Variants in RABGAP1L observed in about 807,000 individuals in gnomAD.
The protein encoded by RABGAP1L is RAB GTPase activating protein 1 like.
A neutral mutation model predicts 137.7 loss-of-function variants in RABGAP1L; 63 were observed. The ratio of observed to expected loss-of-function variants is 0.46; its 90% CI spans 0.37 to 0.56. The LOEUF (loss-of-function observed/expected upper bound fraction) is 0.56. Among genes scored for constraint, RABGAP1L ranks in the 20% least tolerant of loss-of-function variants. The probability of loss-of-function intolerance (pLI) is 0.00; values close to 1 mark genes in which losing one functional copy is unlikely to be tolerated. For synonymous variants in RABGAP1L, 431 were observed against 433.7 expected (o/e 0.99, Z 0.08); for missense variants, 1,095 against 1,244.0 (o/e 0.88, Z 1.80).
intron 13 of RABGAP1L, among the ~76,000 whole-genome samples, chr1:174,596,894 G>A (rs775147580): frequency 6.6e-6 from 1 of 151,940 alleles, no homozygotes; most frequent in Non-Finnish European, 1.5e-5. Context: ...TCTCTATCCA[G>A]TTTTTTTAGG....
chr1:174,370,512 C>CTTTT (rs372406044), intron 11 of RABGAP1L, among the ~76,000 whole-genome samples: 6 of 50,324 alleles, frequency 1.2e-4, no homozygotes, highest in Non-Finnish European at 2.1e-4. Context: ...AGAAACCTAA[C>CTTTT]TTTTTTTTTT....
At chr1:174,721,257 C>T (rs1352050820) in intron 17 of RABGAP1L, among the ~76,000 whole-genome samples, 3 of 152,130 alleles carry the variant, frequency 2.0e-5, no homozygotes, top group East Asian at 3.8e-4. Flanking sequence ...AACAAGAAGA[C>T]GGCCATACAT....
At chr1:174,819,187 T>TAAAAAAAAAAAAAAAAA (rs71299431) in intron 19 of RABGAP1L, among the ~76,000 whole-genome samples, 3 of 44,840 alleles carry the variant, frequency 6.7e-5, no homozygotes, top group Non-Finnish European at 1.2e-4. Context: ...TGCCTGTCTC[T>TAAAAAAAAAAAAAAAAA]AAAAAAAAAA....
At chr1:174,678,925 C>T (rs1244497537) in intron 14 of RABGAP1L, among the ~76,000 whole-genome samples, 3 of 152,190 alleles carry the variant, frequency 2.0e-5, no homozygotes, top group South Asian at 2.1e-4. Flanking sequence ...AGTGGGTGTG[C>T]GACAGTGGCA....
chr1:174,384,189 G>T (rs550726547), intron 12 of RABGAP1L, among the ~76,000 whole-genome samples: 270 of 152,278 alleles, frequency 1.8e-3, no homozygotes, highest in Non-Finnish European at 2.8e-3. Flanking sequence ...TTAATACTAT[G>T]TTATTCCATT....
chr1:174,464,799 C>CT (rs1657104387), intron 13 of RABGAP1L, among the ~76,000 whole-genome samples: 1 of 151,586 alleles, frequency 6.6e-6, no homozygotes, highest in Admixed American at 6.6e-5. Flanking sequence ...AGATTACCTT[C>CT]TTTTTTTGAA....
At chr1:174,286,798 T>C (rs2148705522) in intron 10 of RABGAP1L, among the ~76,000 whole-genome samples, 1 of 152,260 alleles carries the variant, frequency 6.6e-6, no homozygotes, top group East Asian at 1.9e-4. Context: ...TTTTGACCCA[T>C]TGATTGCTCA....
At chr1:174,439,880 A>G (rs957793525) in intron 13 of RABGAP1L, among the ~76,000 whole-genome samples, 9 of 152,220 alleles carry the variant, frequency 5.9e-5, no homozygotes, top group Admixed American at 2.6e-4. Flanking sequence ...TGCTCTCCTC[A>G]TGGGACTTGT....
chr1:174,418,612 A>G (rs6701534), intron 13 of RABGAP1L, among the ~76,000 whole-genome samples: 53,557 of 152,072 alleles, frequency 0.35, 12,082 homozygotes, highest in African/African-American at 0.64. Context: ...TAAGGATTCT[A>G]TGATGCTTCA....
At chr1:174,184,087 T>G (rs1194817009) in intron 1 of RABGAP1L, among the ~76,000 whole-genome samples, 1 of 152,054 alleles carries the variant, frequency 6.6e-6, no homozygotes. Flanking sequence ...CAGGATAGTC[T>G]TGATCTCCTG....
At chr1:174,985,488 C>G (rs1671515140) in intron 24 of RABGAP1L, among the ~76,000 whole-genome samples, 1 of 152,180 alleles carries the variant, frequency 6.6e-6, no homozygotes, top group African/African-American at 2.4e-5. Flanking sequence ...GCTAGTAGAA[C>G]CAGGATTTAA....
At chr1:174,273,329 C>T (rs2148663932) in intron 8 of RABGAP1L, among the ~76,000 whole-genome samples, 1 of 151,978 alleles carries the variant, frequency 6.6e-6, no homozygotes, top group South Asian at 2.1e-4. Context: ...TGTTTGTCTG[C>T]TAAGTGTTGT....
intron 13 of RABGAP1L, among the ~76,000 whole-genome samples, chr1:174,506,841 A>C (rs867237643): frequency 3.9e-5 from 6 of 152,048 alleles, no homozygotes; most frequent in Non-Finnish European, 5.9e-5. Flanking sequence ...AATAAAAAAA[A>C]CTCACACCTG....
At chr1:174,525,532 A>AT (rs945010076) in intron 13 of RABGAP1L, among the ~76,000 whole-genome samples, 1 of 151,862 alleles carries the variant, frequency 6.6e-6, no homozygotes, top group African/African-American at 2.4e-5. Flanking sequence ...ACTCTAAGAG[A>AT]TTTTTTGTTG....
chr1:174,416,019 CATAT>C (rs143285036), intron 13 of RABGAP1L, among the ~76,000 whole-genome samples: 1 of 129,038 alleles, frequency 7.7e-6, no homozygotes. Flanking sequence ...AGAAAATTTA[CATAT>C]ATATATATAT....
chr1:174,232,413 A>T (rs1670742716), intron 4 of RABGAP1L, among the ~76,000 whole-genome samples: 1 of 151,388 alleles, frequency 6.6e-6, no homozygotes, highest in African/African-American at 2.4e-5. Flanking sequence ...CAAACTCGGG[A>T]GATGGAGGTT....
intron 13 of RABGAP1L, among the ~76,000 whole-genome samples, chr1:174,474,122 C>G (rs562369691): frequency 1.1e-3 from 162 of 151,962 alleles, no homozygotes; most frequent in Non-Finnish European, 1.8e-3. Flanking sequence ...TAATGTAATC[C>G]TAGTATATAG....
chr1:174,186,359 A>T (rs1292081196), intron 1 of RABGAP1L, among the ~76,000 whole-genome samples: 1 of 152,218 alleles, frequency 6.6e-6, no homozygotes, highest in African/African-American at 2.4e-5. Flanking sequence ...ATAATCTCAC[A>T]AAGTTATAGC....
At chr1:174,564,991 C>T (rs898806377) in intron 13 of RABGAP1L, among the ~76,000 whole-genome samples, 1 of 152,066 alleles carries the variant, frequency 6.6e-6, no homozygotes, top group Non-Finnish European at 1.5e-5. Flanking sequence ...ATCATTTTCT[C>T]CTAGAATATC....
Sources: allele counts gnomAD v4.1 joint callset (sites outside exome capture counted in the v4.1 genomes callset), GRCh38; gene constraint gnomAD v4.1.1; transcripts MANE v1.5; gene names NCBI Gene and HGNC (gene_info 2026-07-23, HGNC 2026-07-21).